PHACTR4: variants seen among roughly 807,000 people sequenced by gnomAD.
PHACTR4 encodes phosphatase and actin regulator 4.
PHACTR4 carries 51 observed loss-of-function variants against 72.7 expected under a neutral mutation model. The ratio of observed to expected loss-of-function variants is 0.70; its 90% confidence interval spans 0.56 to 0.89. The LOEUF (loss-of-function observed/expected upper bound fraction) is 0.89. Ranked by LOEUF, PHACTR4 falls within the 40% of genes least tolerant of loss-of-function variation. PHACTR4 has a pLI of 0.00. For missense variants in PHACTR4, 731 were observed against 861.8 expected, an observed-to-expected ratio of 0.85 and a Z score of 1.90; for synonymous variants, 255 against 302.5, an observed-to-expected ratio of 0.84 and a Z score of 1.63.
intron 2 of PHACTR4, among the ~76,000 whole-genome samples, chr1:28,430,177 C>T (rs1656154232): frequency 1.3e-5 from 2 of 152,126 alleles, no homozygotes; most frequent in Admixed American, 6.6e-5. Context: ...CACCCGCCAC[C>T]ACACCAGGCT....
chr1:28,392,176 G>A (rs914050388), intron 1 of PHACTR4, among the ~76,000 whole-genome samples: 7 of 152,058 alleles, frequency 4.6e-5, no homozygotes, highest in African/African-American at 1.7e-4. Context: ...ATTCTGAGTA[G>A]TGTGATGAAA....
intron 1 of PHACTR4, among the ~76,000 whole-genome samples, chr1:28,387,251 C>A (rs1332233040): frequency 1.5e-5 from 2 of 133,238 alleles, no homozygotes; most frequent in Non-Finnish European, 3.2e-5. Flanking sequence ...CAGAGCGAGA[C>A]CCTGTCTCAA....
At chr1:28,391,974 C>T (rs933248975) in intron 1 of PHACTR4, among the ~76,000 whole-genome samples, 7 of 152,114 alleles carry the variant, frequency 4.6e-5, no homozygotes, top group East Asian at 1.9e-4. Flanking sequence ...CACAAAGAAA[C>T]GTAATTATTT....
At chr1:28,414,761 G>C (rs1369287739) in intron 2 of PHACTR4, among the ~76,000 whole-genome samples, 1 of 152,048 alleles carries the variant, frequency 6.6e-6, no homozygotes, top group Admixed American at 6.6e-5. Flanking sequence ...CACTTTCTTG[G>C]AAAACAGATT....
chr1:28,460,399 G>A lies in PHACTR4; in HGVS notation c.271+107G>A, dbSNP rs1658712222. On this transcript the variant is annotated intron_variant, in intron 4 of 13. Coordinates refer to ENST00000373839, the MANE Select transcript of PHACTR4 (RefSeq NM_001048183.3). Reference sequence around the variant, plus strand: ...TTCTTTCTTTTATATTGCTATTTTTGGGTTGGAGGGTGGCCTTTAAAAAAA... The same window carrying A: ...TTCTTTCTTTTATATTGCTATTTTTAGGTTGGAGGGTGGCCTTTAAAAAAA... 3.8e-6 allele frequency: 3 copies of A among 793,546 alleles called. No homozygotes were observed. In the East Asian group the frequency reaches 8.6e-5, roughly 23 times the overall value. 49.2% of individuals were successfully genotyped at this position (793,546 alleles called of 1,614,324 possible). A position where few individuals can be genotyped will look rare whatever the true frequency, so the allele number is the denominator to read the frequency against.
intron 8 of PHACTR4, among the ~76,000 whole-genome samples, chr1:28,480,108 T>C (rs74064861): frequency 0.1 from 15,815 of 152,188 alleles, 1,895 homozygotes; most frequent in African/African-American, 0.3. Flanking sequence ...TAAAAACAGA[T>C]AGACTATGAG....
chr1:28,406,057 T>G (rs1435485829), intron 1 of PHACTR4, among the ~76,000 whole-genome samples: 1 of 152,208 alleles, frequency 6.6e-6, no homozygotes, highest in Admixed American at 6.5e-5. Flanking sequence ...CTCTAGTAAA[T>G]TTAAGTTATA....
chr1:28,496,390 A>G, intron 13 of PHACTR4, 144 bp from the exon 14 acceptor site: 1 of 844,852 alleles, frequency 1.2e-6, no homozygotes, highest in South Asian at 1.5e-5. Flanking sequence ...GATGAGGAGT[A>G]TCAGATGCAA....
At chr1:28,379,071 C>T (rs1651927487) in intron 1 of PHACTR4, among the ~76,000 whole-genome samples, 1 of 152,114 alleles carries the variant, frequency 6.6e-6, no homozygotes, top group Non-Finnish European at 1.5e-5. Context: ...ATCTTCCTGT[C>T]TCAGCCTGCT....
intron 1 of PHACTR4, among the ~76,000 whole-genome samples, chr1:28,403,557 CAAAA>C (rs1252856663): frequency 3.3e-5 from 5 of 151,868 alleles, no homozygotes; most frequent in Non-Finnish European, 5.9e-5. Flanking sequence ...ACTTAAAAAA[CAAAA>C]AAACAGTATT....
At chr1:28,473,149 G>A (rs1329452973) in intron 6 of PHACTR4, among the ~76,000 whole-genome samples, 2 of 151,682 alleles carry the variant, frequency 1.3e-5, no homozygotes, top group Non-Finnish European at 2.9e-5. Context: ...AGTGGCGTGC[G>A]CCTGTAATCT....
chr1:28,435,505 T>G (rs1287549910), intron 2 of PHACTR4, among the ~76,000 whole-genome samples: 1 of 152,244 alleles, frequency 6.6e-6, no homozygotes, highest in African/African-American at 2.4e-5. Flanking sequence ...CCTCAGGTGA[T>G]CTGCCTGCCT....
chr1:28,451,062 C>T (rs764650780), intron 2 of PHACTR4, among the ~76,000 whole-genome samples: 1 of 149,208 alleles, frequency 6.7e-6, no homozygotes, highest in South Asian at 2.1e-4. Context: ...TCAAGTGACC[C>T]GCCCACCTCG....
At chr1:28,389,242 G>GA (rs1344879679) in intron 1 of PHACTR4, among the ~76,000 whole-genome samples, 13 of 151,956 alleles carry the variant, frequency 8.6e-5, no homozygotes, top group Admixed American at 7.9e-4. Context: ...ACAAGTATAT[G>GA]AAAAAATGTT....
intron 2 of PHACTR4, among the ~76,000 whole-genome samples, chr1:28,435,852 C>T (rs902942612): frequency 6.6e-6 from 1 of 152,192 alleles, no homozygotes; most frequent in Non-Finnish European, 1.5e-5. Context: ...TGCTTTTGCT[C>T]ATGGTCTGCT....
intron 2 of PHACTR4, among the ~76,000 whole-genome samples, chr1:28,420,262 C>T (rs1214107442): frequency 2.6e-5 from 4 of 152,076 alleles, no homozygotes; most frequent in Non-Finnish European, 1.5e-5. Flanking sequence ...CCCATAATGC[C>T]TATCATCCCC....
At chr1:28,379,931 A>T (rs536960598) in intron 1 of PHACTR4, among the ~76,000 whole-genome samples, 1 of 151,856 alleles carries the variant, frequency 6.6e-6, no homozygotes, top group South Asian at 2.1e-4. Context: ...ATTTTTCCAT[A>T]AGTGGAGTAA....
chr1:28,474,184 C>G, intron 7 of PHACTR4, 33 bp downstream of exon 7: 1 of 1,554,296 alleles, frequency 6.4e-7, no homozygotes. Flanking sequence ...TCTTATTTCT[C>G]CTTTACTCTA....
At chr1:28,465,278 G>A (rs553505257) in intron 4 of PHACTR4, among the ~76,000 whole-genome samples, 16 of 152,114 alleles carry the variant, frequency 1.1e-4, no homozygotes, top group South Asian at 4.2e-4. Context: ...TGGCTAACAC[G>A]GTGAAACCCC....
Sources: allele counts gnomAD v4.1 joint callset (sites outside exome capture counted in the v4.1 genomes callset), GRCh38; gene constraint gnomAD v4.1.1; transcripts MANE v1.5; gene names NCBI Gene and HGNC (gene_info 2026-07-23, HGNC 2026-07-21).